The following STAG1 variants were observed in gnomAD, a reference collection of about 807,000 sequenced individuals.
STAG1 encodes the protein cohesin subunit SA-1.
Under a neutral mutation model 170.9 loss-of-function variants are expected in STAG1, and 26 were observed. That is an observed-to-expected ratio of 0.15 (90% CI 0.11 to 0.21). The LOEUF (loss-of-function observed/expected upper bound fraction) is 0.21, where lower values mean the gene tolerates loss of function less well. Ranked by LOEUF, STAG1 falls within the 10% of genes least tolerant of loss-of-function variation. STAG1 has a pLI of 1.00. For missense variants in STAG1, 964 were observed against 1,509.5 expected, an observed-to-expected ratio of 0.64 and a Z score of 5.99; for synonymous variants, 514 against 497.7, an observed-to-expected ratio of 1.03 and a Z score of -0.44.
chr3:136,392,712 G>A (rs2087042548), intron 22 of STAG1, among the ~76,000 whole-genome samples: 1 of 148,990 alleles, frequency 6.7e-6, no homozygotes, highest in East Asian at 2.0e-4. Context: ...GTTGCAGTGA[G>A]CCGAGATTGT....
chr3:136,553,056 T>C (rs1393203888), intron 5 of STAG1, among the ~76,000 whole-genome samples: 2 of 151,682 alleles, frequency 1.3e-5, no homozygotes, highest in South Asian at 2.1e-4. Flanking sequence ...AATTATCAGA[T>C]AGAGATTAGA....
At position 136,666,074 on chromosome 3, in the gene STAG1, CAAAAAAAAAAAAAAAAAAAAAAAA is replaced by C. The variant is rs576009223; in HGVS notation, c.-83-35117_-83-35094del. Among the ~76,000 whole-genome samples the C allele has an allele frequency of 3.3e-3, 168 of 51,170 alleles. 2 individuals carry two copies. Among genetic ancestry groups the C allele is most frequent in the African/African-American group, 4.8e-3 (91 of 19,040 alleles). 33.6% of individuals were successfully genotyped at this position (51,170 alleles called of 152,430 possible). A position where few individuals can be genotyped will look rare whatever the true frequency, so the allele number is the denominator to read the frequency against. ...TGGGCGATAGAGTGAGACTCCATCT[CAAAAAAAAAAAAAAAAAAAAAAAA>C]AAAAAAAAAAAAAGAAAGAAATGCA... On this transcript the variant is annotated intron_variant, in intron 1 of 33. Coordinates refer to ENST00000383202, the MANE Select transcript of STAG1 (RefSeq NM_005862.3).
At chr3:136,525,368 C>G (rs1934954475) in intron 6 of STAG1, among the ~76,000 whole-genome samples, 1 of 152,136 alleles carries the variant, frequency 6.6e-6, no homozygotes, top group Non-Finnish European at 1.5e-5. Flanking sequence ...TCTAGATTTT[C>G]TAGTTTATTT....
At chr3:136,731,984 T>C (rs1319981513) in intron 1 of STAG1, among the ~76,000 whole-genome samples, 2 of 152,116 alleles carry the variant, frequency 1.3e-5, no homozygotes, top group Non-Finnish European at 2.9e-5. Flanking sequence ...CTGCATTACC[T>C]GATAAAGACT....
intron 22 of STAG1, among the ~76,000 whole-genome samples, chr3:136,385,806 A>G (rs2086857154): frequency 6.6e-6 from 1 of 151,986 alleles, no homozygotes; most frequent in Admixed American, 6.6e-5. Flanking sequence ...GGCTCAAGTG[A>G]TCCTCTTGTC....
chr3:136,656,947 T>C (rs997632363), intron 1 of STAG1, among the ~76,000 whole-genome samples: 1 of 151,542 alleles, frequency 6.6e-6, no homozygotes, highest in South Asian at 2.1e-4. Flanking sequence ...CAAAAATAAA[T>C]ACATAAATGA....
At chr3:136,617,067 T>C (rs1286974340) in intron 3 of STAG1, among the ~76,000 whole-genome samples, 2 of 152,098 alleles carry the variant, frequency 1.3e-5, no homozygotes, top group African/African-American at 4.8e-5. Flanking sequence ...AAAAAAACAA[T>C]GGCTATACAG....
At chr3:136,342,873 G>A (rs951307888) in intron 30 of STAG1, among the ~76,000 whole-genome samples, 5 of 152,210 alleles carry the variant, frequency 3.3e-5, no homozygotes, top group Non-Finnish European at 5.9e-5. Flanking sequence ...TGTAGGAAGA[G>A]GGGTGGGGAT....
Position 136,344,033 on chromosome 3 carries a change from A to C in STAG1, c.3272-27T>G, listed in dbSNP as rs1171490661. On this transcript the variant is annotated intron_variant, in intron 29 of 33. Coordinates refer to ENST00000383202, the MANE Select transcript of STAG1 (RefSeq NM_005862.3). Reference sequence around the variant, plus strand: ...TGTAAAATTCCAGTTAAGGTCACACAATGTCGTGGGTGGAGTGAACTCTGG... The same window carrying C: ...TGTAAAATTCCAGTTAAGGTCACACCATGTCGTGGGTGGAGTGAACTCTGG... 7 of 1,531,406 alleles carry C rather than the reference A, an allele frequency of 4.6e-6. No homozygotes were observed. In the African/African-American group the frequency reaches 8.3e-5, roughly 18 times the overall value. The allele number at this position is 1,531,406 out of a possible 1,614,324, so 94.9% of individuals were successfully genotyped here. A position where few individuals can be genotyped will look rare whatever the true frequency, so the allele number is the denominator to read the frequency against.
chr3:136,442,205 C>A (rs1024271257), intron 15 of STAG1, among the ~76,000 whole-genome samples: 2 of 152,056 alleles, frequency 1.3e-5, no homozygotes, highest in South Asian at 4.1e-4. Context: ...CACACACACA[C>A]ACAAAAATTT....
intron 1 of STAG1, among the ~76,000 whole-genome samples, chr3:136,677,615 C>T (rs191627210): frequency 4.4e-4 from 67 of 152,054 alleles, no homozygotes; most frequent in Admixed American, 1.2e-3. Context: ...GGAATTAGTG[C>T]CCTTATTAAA....
At chr3:136,462,361 T>C (rs1250278725) in intron 13 of STAG1, among the ~76,000 whole-genome samples, 2 of 152,082 alleles carry the variant, frequency 1.3e-5, no homozygotes, top group South Asian at 2.1e-4. Context: ...TATTTAGCCA[T>C]AAAAAGGAAA....
rs548967755 is a variant in STAG1, at chr3:136,405,258, T to C, written c.2197-6429A>G. Among the ~76,000 whole-genome samples, 77 of 115,668 alleles carry C rather than the reference T, an allele frequency of 6.7e-4. 1 individual carries two copies. The highest frequency in any genetic ancestry group is 2.3e-3 in the African/African-American group (66 of 29,324). The allele number at this position is 115,668 out of a possible 152,430, so 75.9% of individuals were successfully genotyped here. On this transcript the variant is annotated intron_variant, in intron 21 of 33. Transcript: ENST00000383202. ...TTTTTTTTTTTTTTTTTTTTTTTTTTTCAGACGAAGTCTCACTCTGTTGCC... is the reference window on the plus strand; with the variant it reads ...TTTTTTTTTTTTTTTTTTTTTTTTTCTCAGACGAAGTCTCACTCTGTTGCC...
At position 136,737,866 on chromosome 3, in the gene STAG1, A is replaced by G. The variant is rs1271306619; in HGVS notation, c.-84+14329T>C. Among the ~76,000 whole-genome samples the G allele has an allele frequency of 2.6e-3, 401 of 151,636 alleles. 2 individuals carry two copies. Among genetic ancestry groups the G allele is most frequent in the African/African-American group, 9.4e-3 (390 of 41,374 alleles). On this transcript the variant is annotated intron_variant, in intron 1 of 33. Transcript: ENST00000383202. The stretch of plus-strand genomic sequence containing the variant: ...GGGCGGATCTCAAGGTCAGGGGTTC[A>G]AGACCAGCCTGACTAACATGGTGAA...
At chr3:136,518,672 C>T (rs748412254) in intron 7 of STAG1, among the ~76,000 whole-genome samples, 6 of 151,928 alleles carry the variant, frequency 3.9e-5, no homozygotes, top group Non-Finnish European at 5.9e-5. Flanking sequence ...TACAGTAATA[C>T]GTTAAAGTAA....
intron 9 of STAG1, among the ~76,000 whole-genome samples, chr3:136,497,688 T>A (rs944761174): frequency 5.4e-5 from 8 of 147,476 alleles, no homozygotes; most frequent in Admixed American, 6.8e-5. Flanking sequence ...AAAAAAAAAA[T>A]AAAATAAATA....
At chr3:136,457,577 TCTTAA>T (rs1360503380) in intron 13 of STAG1, among the ~76,000 whole-genome samples, 1 of 152,078 alleles carries the variant, frequency 6.6e-6, no homozygotes, top group African/African-American at 2.4e-5. Flanking sequence ...ATGCACTCAT[TCTTAA>T]CTTGTCTTTT....
intron 1 of STAG1, among the ~76,000 whole-genome samples, chr3:136,680,996 T>A (rs1942315196): frequency 1.3e-5 from 2 of 150,486 alleles, no homozygotes; most frequent in Admixed American, 6.7e-5. Flanking sequence ...TATTTTAAAA[T>A]CATTCTTGCA....
intron 13 of STAG1, 146 bp downstream of exon 13, chr3:136,464,735 G>C (rs1248480691): frequency 6.9e-6 from 4 of 580,754 alleles, no homozygotes; most frequent in Non-Finnish European, 1.2e-5. Flanking sequence ...TGTATACATA[G>C]GCTGTGAGGC....
Sources: allele counts gnomAD v4.1 joint callset (sites outside exome capture counted in the v4.1 genomes callset), GRCh38; gene constraint gnomAD v4.1.1; transcripts MANE v1.5; gene names NCBI Gene and HGNC (gene_info 2026-07-23, HGNC 2026-07-21).